Variants in LCOR observed in about 807,000 individuals in gnomAD.
LCOR encodes ligand-dependent corepressor.
A neutral mutation model predicts 64.4 loss-of-function variants in LCOR; 14 were observed. That is an observed-to-expected ratio of 0.22 (90% CI 0.14 to 0.34). The LOEUF (loss-of-function observed/expected upper bound fraction) is 0.34, where lower values mean the gene tolerates loss of function less well. Ranked by LOEUF, LCOR falls within the 10% of genes least tolerant of loss-of-function variation. The pLI is 1.00. For missense variants in LCOR, 1,686 were observed against 1,765.3 expected (o/e 0.96, Z 0.80); for synonymous variants, 643 against 642.5 (o/e 1.00, Z -0.01).
intron 2 of LCOR, among the ~76,000 whole-genome samples, chr10:96,851,169 A>G (rs1845716489): frequency 1.3e-5 from 2 of 152,238 alleles, no homozygotes; most frequent in African/African-American, 4.8e-5. Context: ...GCTCATGCTT[A>G]CTGCAGGGAA....
chr10:96,849,027 T>TG (rs1554831294), intron 2 of LCOR, among the ~76,000 whole-genome samples: 1 of 134,838 alleles, frequency 7.4e-6, no homozygotes, highest in Non-Finnish European at 1.6e-5. Context: ...TTTTTTTTTT[T>TG]GAGACAGATC....
chr10:96,949,174 C>T lies in LCOR; in HGVS notation c.117C>T (p.Val39=). The part of the protein sequence containing the change: ...KNQSLPKASP[V]TTSPTAATTQ... ...AAAGCCTGCCGAAAGCATCTCCAGT[C>T]ACCACCTCTCCCACGGCTGCAACTA... is the stretch of plus-strand genomic sequence containing the variant. The change falls in exon 6 of 8, where the codon GTC becomes GTT. Residue 39 remains valine (V), a synonymous_variant. Coordinates refer to ENST00000421806, the MANE Select transcript of LCOR (RefSeq NM_001346516.2). The T allele has an allele frequency of 6.2e-7, 1 of 1,614,120 alleles. No homozygotes were observed. The highest frequency in any genetic ancestry group is 8.5e-7 in the Non-Finnish European group (1 of 1,180,004).
At position 96,981,738 on chromosome 10, in the gene LCOR, C is replaced by T. The variant is rs763724246; in HGVS notation, c.1278C>T (p.Pro426=). Residue 426 remains proline, a synonymous_variant, in exon 8 of 8, where the codon CCC becomes CCT. Transcript: ENST00000421806. The part of the protein sequence containing the change: ...FDHSKDGWLG[P]GPMPAVHKAA... ...ATTCCAAAGATGGTTGGTTAGGCCC[C>T]GGCCCTATGCCAGCTGTACACAAAG... 26 of 1,614,062 alleles carry T rather than the reference C, an allele frequency of 1.6e-5. No homozygotes were observed. In the East Asian group the frequency reaches 3.3e-4, roughly 21 times the overall value.
intron 7 of LCOR, chr10:96,958,919 A>G (rs1199045160): frequency 6.6e-6 from 1 of 152,054 alleles, no homozygotes; most frequent in East Asian, 1.9e-4. Flanking sequence ...AAAAAAAAAA[A>G]AAAAAAAACA....
chr10:96,964,344 A>C (rs866310040), intron 7 of LCOR: 1 of 151,958 alleles, frequency 6.6e-6, no homozygotes, highest in Non-Finnish European at 1.5e-5. Flanking sequence ...TTTTGGAGAA[A>C]CATTCCCAGC....
intron 4 of LCOR, chr10:96,915,861 C>A: frequency 2.0e-6 from 1 of 488,660 alleles, no homozygotes; most frequent in Admixed American, 2.8e-5. Context: ...TTTAACTTGG[C>A]ATTATCTCCT....
intron 7 of LCOR, chr10:96,957,894 A>C (rs1847810931): frequency 2.0e-6 from 2 of 986,126 alleles, no homozygotes; most frequent in Non-Finnish European, 2.4e-6. Context: ...TAGACTTCTT[A>C]ACAGAAAAAA....
intron 4 of LCOR, among the ~76,000 whole-genome samples, chr10:96,924,619 A>T (rs1417843577): frequency 3.3e-5 from 5 of 151,476 alleles, no homozygotes; most frequent in Admixed American, 3.3e-4. Context: ...ATACCTATAT[A>T]CCCTTCACCG....
chr10:96,952,443 T>A (rs1412730056), intron 7 of LCOR, among the ~76,000 whole-genome samples: 1 of 152,206 alleles, frequency 6.6e-6, no homozygotes, highest in Non-Finnish European at 1.5e-5. Flanking sequence ...GACTTTTTGT[T>A]GTGGCATGTT....
chr10:96,995,012 G>T lies in LCOR; in HGVS notation c.*9878G>T, dbSNP rs1350221827. ...GAGGCTAGCATGAATGCCTTTGAGG[G>T]GCCAGGGGGCCATAGGAGGCCCATG... On this transcript the variant is annotated 3_prime_UTR_variant, in exon 8 of 8. Coordinates refer to ENST00000421806, the MANE Select transcript of LCOR (RefSeq NM_001346516.2). This position sits in a 1 kb window ranked among gnomAD's most constrained non-coding sequence, Gnocchi z 4.2. 1 of 152,246 alleles carries T rather than the reference G, an allele frequency of 6.6e-6. No individual in the cohort carries two copies. The highest frequency in any genetic ancestry group is 1.5e-5 in the Non-Finnish European group (1 of 68,058). The allele number at this position is 152,246 out of a possible 1,614,324, so 9.4% of individuals were successfully genotyped here.
chr10:96,888,680 A>G (rs1261330396), intron 2 of LCOR, among the ~76,000 whole-genome samples: 3 of 152,296 alleles, frequency 2.0e-5, no homozygotes, highest in East Asian at 3.9e-4. Flanking sequence ...TATTTTTTAA[A>G]TTAAGTTGTA....
intron 2 of LCOR, among the ~76,000 whole-genome samples, chr10:96,873,361 G>A (rs1219407144): frequency 1.3e-5 from 2 of 152,126 alleles, no homozygotes; most frequent in African/African-American, 4.8e-5. Flanking sequence ...GCTTTGAAAG[G>A]TGAGGAAATT....
In LCOR at chr10:96,957,791, T is replaced by G. The variant is rs115743756; in HGVS notation, c.332+5595T>G. ...ACTAAAATACATGCACTGCTCATTC[T>G]TGACATAGCTTGGGTGTGGGTTCCT... is the stretch of plus-strand genomic sequence containing the variant. On this transcript the variant is annotated intron_variant, in intron 7 of 7. Coordinates refer to ENST00000421806, the MANE Select transcript of LCOR (RefSeq NM_001346516.2). 9.4e-5 allele frequency: 93 copies of G among 985,604 alleles called. No individual in the cohort carries two copies. In the African/African-American group the frequency reaches 1.5e-3, roughly 16 times the overall value. 61.1% of individuals were successfully genotyped at this position (985,604 alleles called of 1,614,324 possible).
intron 2 of LCOR, among the ~76,000 whole-genome samples, chr10:96,902,879 G>T (rs1846663958): frequency 6.6e-6 from 1 of 152,134 alleles, no homozygotes; most frequent in Admixed American, 6.5e-5. Context: ...TCCTTAGGCA[G>T]TTTCATCATT....
intron 2 of LCOR, among the ~76,000 whole-genome samples, chr10:96,851,749 TAC>T (rs1210594058): frequency 6.6e-6 from 1 of 152,164 alleles, no homozygotes; most frequent in Non-Finnish European, 1.5e-5. Context: ...CCAAAATAAA[TAC>T]AGTGTTCAGT....
chr10:96,846,398 G>A (rs1303978206), intron 2 of LCOR, among the ~76,000 whole-genome samples: 2 of 152,092 alleles, frequency 1.3e-5, no homozygotes, highest in African/African-American at 2.4e-5. Context: ...GACCACAGGT[G>A]TGTACCACCA....
intron 2 of LCOR, among the ~76,000 whole-genome samples, chr10:96,867,578 C>T (rs1564608764): frequency 6.6e-6 from 1 of 151,986 alleles, no homozygotes; most frequent in Non-Finnish European, 1.5e-5. Context: ...GCCTGGGTGA[C>T]AGAGTGAAAT....
chr10:96,941,241 A>ACC (rs1310892808), intron 4 of LCOR, among the ~76,000 whole-genome samples: 7 of 65,646 alleles, frequency 1.1e-4, no homozygotes, highest in Non-Finnish European at 1.8e-4. Flanking sequence ...CGGGGGGCTG[A>ACC]CCCCCCCACC....
chr10:96,925,044 A>G (rs902622741), intron 4 of LCOR, among the ~76,000 whole-genome samples: 11 of 151,416 alleles, frequency 7.3e-5, no homozygotes, highest in African/African-American at 2.4e-4. Flanking sequence ...CCATTTATTT[A>G]TTTATTTATT....
Sources: allele counts gnomAD v4.1 joint callset (sites outside exome capture counted in the v4.1 genomes callset), GRCh38; gene constraint gnomAD v4.1.1; non-coding constraint Gnocchi (gnomAD v3.1); transcripts MANE v1.5; gene names NCBI Gene and HGNC (gene_info 2026-07-23, HGNC 2026-07-21).